FHIT: variants seen among roughly 807,000 people sequenced by gnomAD.
The protein encoded by FHIT is fragile histidine triad diadenosine triphosphatase.
Under a neutral mutation model 17.9 loss-of-function variants are expected in FHIT, and 19 were observed. The observed-to-expected ratio is 1.06, with a 90% CI of 0.74 to 1.56. The LOEUF (loss-of-function observed/expected upper bound fraction) is 1.56, where lower values mean the gene tolerates loss of function less well. Ranked by LOEUF, FHIT falls within the 40% of genes most tolerant of loss-of-function variation. The pLI is 0.00. For synonymous variants in FHIT, 81 were observed against 69.7 expected (o/e 1.16, Z -0.81); for missense variants, 248 against 189.2 (o/e 1.31, Z -1.82).
At chr3:60,579,409 C>G (rs1209891225) in intron 4 of FHIT, among the ~76,000 whole-genome samples, 2 of 151,992 alleles carry the variant, frequency 1.3e-5, no homozygotes, top group African/African-American at 4.8e-5. Context: ...GTGTACTCTA[C>G]CACTGATCAA....
intron 4 of FHIT, among the ~76,000 whole-genome samples, chr3:60,738,536 G>T (rs530485588): frequency 6.6e-6 from 1 of 152,178 alleles, no homozygotes; most frequent in African/African-American, 2.4e-5. Flanking sequence ...TACCGTGACC[G>T]CAAGGATGGC....
chr3:60,724,060 G>A (rs367885068), intron 4 of FHIT, among the ~76,000 whole-genome samples: 4 of 152,050 alleles, frequency 2.6e-5, no homozygotes, highest in East Asian at 3.9e-4. Flanking sequence ...TCATAGAGTC[G>A]TGCAACCACG....
At chr3:60,970,102 G>A (rs1364553860) in intron 3 of FHIT, among the ~76,000 whole-genome samples, 1 of 152,156 alleles carries the variant, frequency 6.6e-6, no homozygotes, top group East Asian at 1.9e-4. Context: ...GGGATTACAG[G>A]TGTGAGCTAC....
chr3:60,183,373 G>A (rs1402487219), intron 5 of FHIT, among the ~76,000 whole-genome samples: 1 of 152,102 alleles, frequency 6.6e-6, no homozygotes, highest in Non-Finnish European at 1.5e-5. Context: ...ACTCAAATCT[G>A]GGCAACAGAG....
intron 4 of FHIT, among the ~76,000 whole-genome samples, chr3:60,709,631 A>G (rs1476609212): frequency 2.0e-5 from 3 of 152,238 alleles, no homozygotes; most frequent in Non-Finnish European, 4.4e-5. Context: ...GATTATGCAG[A>G]TCTTCCAAAT....
intron 1 of FHIT, among the ~76,000 whole-genome samples, chr3:61,213,740 G>A (rs1467897914): frequency 1.3e-5 from 2 of 152,072 alleles, no homozygotes; most frequent in African/African-American, 4.8e-5. Flanking sequence ...TTCCAAAATT[G>A]ACCACATAGT....
At chr3:60,681,607 G>T (rs1487249820) in intron 4 of FHIT, among the ~76,000 whole-genome samples, 1 of 152,158 alleles carries the variant, frequency 6.6e-6, no homozygotes, top group Non-Finnish European at 1.5e-5. Context: ...AAAAGTTCTT[G>T]AAGGAAATTA....
chr3:60,244,721 CAG>C lies in FHIT; in HGVS notation c.104-230571_104-230570del, dbSNP rs1274198107. 2.6e-5 allele frequency among the ~76,000 whole-genome samples: 4 copies of C among 152,180 alleles called. No individual in the cohort carries two copies. The East Asian group carries it at 7.7e-4, about 29-fold the overall frequency. ...CCACACGTGTTGCTTGTTTATGAGA[CAG>C]AGACTACAAACATCTTGAATGGGAC... is the stretch of plus-strand genomic sequence containing the variant. On this transcript the variant is annotated intron_variant, in intron 5 of 9. Coordinates refer to ENST00000492590, the MANE Select transcript of FHIT (RefSeq NM_002012.4).
chr3:60,904,168 C>G (rs1706267460), intron 3 of FHIT, among the ~76,000 whole-genome samples: 1 of 152,178 alleles, frequency 6.6e-6, no homozygotes, highest in Non-Finnish European at 1.5e-5. Context: ...CTTTCAGTTA[C>G]TCAGTGATGA....
At chr3:60,971,915 T>G (rs1444276487) in intron 3 of FHIT, among the ~76,000 whole-genome samples, 1 of 152,198 alleles carries the variant, frequency 6.6e-6, no homozygotes, top group Non-Finnish European at 1.5e-5. Flanking sequence ...AAATGCTTGA[T>G]TTTTTACATT....
intron 5 of FHIT, among the ~76,000 whole-genome samples, chr3:60,327,916 G>A (rs1366654969): frequency 6.6e-6 from 1 of 152,180 alleles, no homozygotes; most frequent in Non-Finnish European, 1.5e-5. Flanking sequence ...TCAGACAAGA[G>A]CAAGAGCAGG....
intron 7 of FHIT, among the ~76,000 whole-genome samples, chr3:59,964,903 T>A (rs1256026705): frequency 6.6e-6 from 1 of 152,118 alleles, no homozygotes; most frequent in Non-Finnish European, 1.5e-5. Context: ...CAGCATGATA[T>A]CCATCGGGCC....
At chr3:59,859,659 G>A (rs1299858116) in intron 8 of FHIT, among the ~76,000 whole-genome samples, 1 of 152,206 alleles carries the variant, frequency 6.6e-6, no homozygotes, top group East Asian at 1.9e-4. Context: ...GGCGGAGGTT[G>A]CAGTGAGCTG....
chr3:60,490,720 T>C (rs1359850732), intron 5 of FHIT, among the ~76,000 whole-genome samples: 1 of 152,106 alleles, frequency 6.6e-6, no homozygotes, highest in Non-Finnish European at 1.5e-5. Context: ...TTCTGTCTCT[T>C]ACTAATTCAG....
At chr3:60,069,647 G>A (rs949206437) in intron 5 of FHIT, among the ~76,000 whole-genome samples, 2 of 152,112 alleles carry the variant, frequency 1.3e-5, no homozygotes, top group African/African-American at 4.8e-5. Context: ...GGGCACTGTG[G>A]CTGAGAGGTT....
chr3:60,444,586 A>C (rs888567035), intron 5 of FHIT, among the ~76,000 whole-genome samples: 1 of 152,162 alleles, frequency 6.6e-6, no homozygotes, highest in African/African-American at 2.4e-5. Context: ...TCAGCAAACT[A>C]TCACAAGGAC....
intron 5 of FHIT, among the ~76,000 whole-genome samples, chr3:60,366,036 T>C (rs1484506284): frequency 3.3e-5 from 5 of 152,338 alleles, no homozygotes; most frequent in Non-Finnish European, 7.3e-5. Flanking sequence ...TATAATAATA[T>C]GGCAAGTACA....
At chr3:59,797,373 G>C (rs1274067017) in intron 8 of FHIT, among the ~76,000 whole-genome samples, 5 of 152,072 alleles carry the variant, frequency 3.3e-5, no homozygotes, top group Admixed American at 6.5e-5. Flanking sequence ...TTTTAGTAGA[G>C]ATGGGGTTTT....
intron 4 of FHIT, chr3:60,730,094 T>C: frequency 2.0e-6 from 1 of 512,456 alleles, no homozygotes; most frequent in Non-Finnish European, 3.9e-6. Context: ...AGGTAGTAGA[T>C]GTGTCCCAAT....
Sources: gnomAD v4.1 joint callset for allele counts (sites outside exome capture counted in the v4.1 genomes callset) on GRCh38, gnomAD v4.1.1 for gene constraint, MANE v1.5 for transcripts, NCBI Gene and HGNC (gene_info 2026-07-23, HGNC 2026-07-21) for gene names.